The following MICAL2 variants were observed in gnomAD, a reference collection of about 807,000 sequenced individuals.
The protein encoded by MICAL2 is [F-actin]-monooxygenase MICAL2.
A neutral mutation model predicts 127.3 loss-of-function variants in MICAL2; 77 were observed. The observed-to-expected ratio is 0.60, with a 90% confidence interval of 0.50 to 0.73. MICAL2 has a LOEUF of 0.73. MICAL2 is among the 30% of genes least tolerant of loss of function. The pLI, the probability that MICAL2 is intolerant of heterozygous loss-of-function variation, is 0.00. For missense variants in MICAL2, 1,351 were observed against 1,434.4 expected (o/e 0.94, Z 0.94); for synonymous variants, 570 against 551.1 (o/e 1.03, Z -0.48).
At chr11:12,291,963 T>C (rs1863908679), downstream of MICAL2, among the ~76,000 whole-genome samples, 1 of 152,204 alleles carries the variant, frequency 6.6e-6, no homozygotes, top group Middle Eastern at 3.2e-3. Flanking sequence ...CACGGGACCC[T>C]GCCACTGCTC....
At chr11:12,192,871 C>T (rs1305564521) in intron 3 of MICAL2, among the ~76,000 whole-genome samples, 6 of 152,236 alleles carry the variant, frequency 3.9e-5, no homozygotes, top group East Asian at 3.9e-4. Flanking sequence ...CATATGCATA[C>T]GAGGCTATTT....
chr11:12,272,724 G>A (rs563595645), upstream of MICAL2, among the ~76,000 whole-genome samples: 62 of 152,302 alleles, frequency 4.1e-4, no homozygotes, highest in Non-Finnish European at 6.9e-4. Context: ...GGCCCCAAGG[G>A]ATTGACTGGG....
At chr11:12,254,162 A>G (rs888502844) in intron 22 of MICAL2, 2 of 152,220 alleles carry the variant, frequency 1.3e-5, no homozygotes, top group African/African-American at 4.8e-5. Flanking sequence ...CTCAGGAACC[A>G]GGGGGCAGAG....
downstream of MICAL2, among the ~76,000 whole-genome samples, chr11:12,268,053 A>G (rs963021986): frequency 6.6e-6 from 1 of 152,188 alleles, no homozygotes; most frequent in African/African-American, 2.4e-5. Context: ...GCCCTCAAAA[A>G]ATATTTTTAG....
chr11:12,318,150 C>T (rs575609436), intron 29 of MICAL2, among the ~76,000 whole-genome samples: 4 of 152,252 alleles, frequency 2.6e-5, no homozygotes, highest in South Asian at 4.1e-4. Context: ...ACCGGCATTG[C>T]GCTAGGCACT....
intron 34 of MICAL2, chr11:12,358,172 T>C (rs1589926649): frequency 2.1e-6 from 2 of 962,400 alleles, no homozygotes; most frequent in East Asian, 2.6e-5. Context: ...TAAATTCATT[T>C]CCTTGTTTTC....
intron 3 of MICAL2, among the ~76,000 whole-genome samples, chr11:12,203,478 T>C (rs938915871): frequency 6.6e-6 from 1 of 152,254 alleles, no homozygotes; most frequent in Non-Finnish European, 1.5e-5. Flanking sequence ...GATTTCTCCC[T>C]GTGGCTTTAA....
At chr11:12,334,164 T>C (rs1938702129) in intron 32 of MICAL2, among the ~76,000 whole-genome samples, 2 of 152,202 alleles carry the variant, frequency 1.3e-5, no homozygotes, top group Non-Finnish European at 2.9e-5. Flanking sequence ...TCACACTCTG[T>C]TATCCACAGA....
chr11:12,161,871 G>A (rs1333866439), intron 2 of MICAL2: 4 of 469,276 alleles, frequency 8.5e-6, no homozygotes, highest in African/African-American at 5.9e-5. Flanking sequence ...GCAGAGCATA[G>A]GGGAAGAGAT....
At position 12,227,040 on chromosome 11, in the gene MICAL2, A is replaced by G; in HGVS notation, c.1904A>G (p.Asn635Ser). 4 of 1,614,004 alleles carry G rather than the reference A, an allele frequency of 2.5e-6. No homozygotes were observed. The highest frequency in any genetic ancestry group is 1.7e-5 in the Admixed American group (1 of 60,010). ...PLRPVDSWRK[N>S]YGENADLSLA... The stretch of plus-strand genomic sequence containing the variant: ...TTCCCAACAGATTCTTGGCGCAAAA[A>G]CTATGGAGAAAATGCTGACCTCAGC... Residue 635 changes from asparagine (N) to serine (S), a missense_variant, in exon 15 of 28, where the codon AAC (asparagine) becomes AGC (serine). Physicochemically the swap from Asn to Ser is conservative, Grantham distance 46. Coordinates refer to ENST00000683283, the MANE Select transcript of MICAL2 (RefSeq NM_001282663.2).
chr11:12,349,718 G>T (rs1939015847), intron 32 of MICAL2: 6 of 847,686 alleles, frequency 7.1e-6, no homozygotes, highest in Non-Finnish European at 1.1e-5. Flanking sequence ...GGGTGTCAGG[G>T]AGCTGCTGCC....
chr11:12,208,166 T>C, intron 5 of MICAL2, 27 bp downstream of exon 5: 1 of 1,540,640 alleles, frequency 6.5e-7, no homozygotes, highest in Non-Finnish European at 9.0e-7. Context: ...TTTTTCTGCC[T>C]AGAAAGCAGA....
chr11:12,155,314 A>T (rs536200345), intron 2 of MICAL2, among the ~76,000 whole-genome samples: 130 of 152,050 alleles, frequency 8.5e-4, no homozygotes, highest in Non-Finnish European at 1.4e-3. Flanking sequence ...ACATGTACAT[A>T]CACACACACG....
intron 15 of MICAL2, among the ~76,000 whole-genome samples, chr11:12,235,245 C>T (rs773793371): frequency 1.4e-3 from 207 of 152,324 alleles, no homozygotes; most frequent in Middle Eastern, 3.4e-3. Context: ...ATCAGCTCGG[C>T]CTCCAGAGTT....
At chr11:12,294,337 T>G, downstream of MICAL2, 2 of 1,614,156 alleles carry the variant, frequency 1.2e-6, no homozygotes, top group South Asian at 1.1e-5. Flanking sequence ...AATCCAAAAC[T>G]TTGCCCGCAC....
At chr11:12,148,763 G>A (rs1157626529) in intron 2 of MICAL2, among the ~76,000 whole-genome samples, 1 of 152,176 alleles carries the variant, frequency 6.6e-6, no homozygotes, top group Admixed American at 6.5e-5. Context: ...TCAATGCAAG[G>A]GTATGTGCAA....
At chr11:12,171,443 T>C (rs981460784) in intron 3 of MICAL2, among the ~76,000 whole-genome samples, 2 of 152,246 alleles carry the variant, frequency 1.3e-5, no homozygotes, top group African/African-American at 4.8e-5. Context: ...GCTTTGTTTT[T>C]TTCCCACAAT....
chr11:12,292,408 G>A (rs964354561), downstream of MICAL2: 7 of 1,184,026 alleles, frequency 5.9e-6, no homozygotes, highest in Admixed American at 6.0e-5. Context: ...CAACCTAAGT[G>A]CAAAGCCAGC....
intron 31 of MICAL2, among the ~76,000 whole-genome samples, chr11:12,326,707 G>T (rs1406821457): frequency 6.6e-6 from 1 of 152,214 alleles, no homozygotes; most frequent in African/African-American, 2.4e-5. Flanking sequence ...CAGTTCTCTT[G>T]CTCCAGACTG....
Sources: allele counts gnomAD v4.1 joint callset (sites outside exome capture counted in the v4.1 genomes callset), GRCh38; gene constraint gnomAD v4.1.1; transcripts MANE v1.5; gene names NCBI Gene and HGNC (gene_info 2026-07-23, HGNC 2026-07-21).